WDR36: variants seen among roughly 807,000 people sequenced by gnomAD.
WDR36 encodes the protein WD repeat-containing protein 36.
In WDR36, 63 loss-of-function variants were observed where a neutral mutation model predicts 112.7. The ratio of observed to expected loss-of-function variants is 0.56; its 90% CI spans 0.46 to 0.69. WDR36 has a LOEUF of 0.69. WDR36 is among the 30% of genes least tolerant of loss of function. The pLI, the probability that WDR36 is intolerant of heterozygous loss-of-function variation, is 0.00. For synonymous variants in WDR36, 410 were observed against 362.2 expected (o/e 1.13, Z -1.50); for missense variants, 1,226 against 1,070.3 (o/e 1.15, Z -2.03).
chr5:111,127,289 A>G lies in WDR36; in HGVS notation c.*406A>G, dbSNP rs2032835. The stretch of plus-strand genomic sequence containing the variant: ...ACATTAACTTTTATATGATTTTTAA[A>G]AAATTATTACCTGCTTATATTTTTT... On this transcript the variant is annotated 3_prime_UTR_variant, in exon 23 of 23. Transcript: ENST00000513710. 0.037 allele frequency: 7,768 copies of G among 211,964 alleles called. 222 individuals are homozygous for G. The highest frequency in any genetic ancestry group is 0.1 in the South Asian group (571 of 5,466). 13.1% of individuals were successfully genotyped at this position (211,964 alleles called of 1,614,324 possible). A position where few individuals can be genotyped will look rare whatever the true frequency, so the allele number is the denominator to read the frequency against.
intron 15 of WDR36, 91 bp from the exon 16 acceptor site, chr5:111,112,983 A>C (rs1441279282): frequency 3.8e-6 from 1 of 265,398 alleles, no homozygotes; most frequent in South Asian, 1.3e-4. Flanking sequence ...TGTTAACTAT[A>C]TATACATACA....
chr5:111,092,619 G>C lies in WDR36; in HGVS notation c.162+1G>C. On this transcript the variant is annotated splice_donor_variant, in intron 1 of 22. Coordinates refer to ENST00000513710, the MANE Select transcript of WDR36 (RefSeq NM_139281.3). LOFTEE classifies it high-confidence loss of function. Reference sequence around the variant, plus strand: ...GGGCAAGAGTTTCCACACCTATGACGTGAGTGACTTCTTTTGTTAGCTTCC... The same window carrying C: ...GGGCAAGAGTTTCCACACCTATGACCTGAGTGACTTCTTTTGTTAGCTTCC... 6.2e-7 allele frequency: 1 copy of C among 1,612,378 alleles called. No individual in the cohort carries two copies. Among genetic ancestry groups the C allele is most frequent in the Non-Finnish European group, 8.5e-7 (1 of 1,179,856 alleles).
intron 12 of WDR36, among the ~76,000 whole-genome samples, chr5:111,107,931 T>A (rs1462453317): frequency 6.6e-6 from 1 of 151,266 alleles, no homozygotes; most frequent in East Asian, 1.9e-4. Context: ...CTTCTCCAGG[T>A]TTTTTGTTCT....
At chr5:111,121,633 T>G (rs568595742) in intron 19 of WDR36, among the ~76,000 whole-genome samples, 3 of 152,268 alleles carry the variant, frequency 2.0e-5, no homozygotes, top group East Asian at 3.9e-4. Context: ...TAAGTTAACA[T>G]GAGCTAGGTA....
intron 6 of WDR36, among the ~76,000 whole-genome samples, chr5:111,102,848 T>A (rs894908902): frequency 6.6e-6 from 1 of 151,726 alleles, no homozygotes; most frequent in Non-Finnish European, 1.5e-5. Flanking sequence ...CTGCTTTTTT[T>A]TAATGAATCT....
chr5:111,120,475 G>C, intron 17 of WDR36, 21 bp from the exon 18 acceptor site: 1 of 1,567,836 alleles, frequency 6.4e-7, no homozygotes, highest in Non-Finnish European at 8.8e-7. Flanking sequence ...TTAAAATATT[G>C]CTTATGTTTT....
chr5:111,112,551 C>T (rs185072652), intron 15 of WDR36, among the ~76,000 whole-genome samples: 1 of 151,960 alleles, frequency 6.6e-6, no homozygotes, highest in Non-Finnish European at 1.5e-5. Context: ...CCTCACAACC[C>T]TTAGGTACTA....
chr5:111,116,535 C>T (rs1753458902), intron 16 of WDR36, among the ~76,000 whole-genome samples: 1 of 152,098 alleles, frequency 6.6e-6, no homozygotes, highest in Non-Finnish European at 1.5e-5. Flanking sequence ...ATGCAGGGCT[C>T]TGATCTTGTA....
chr5:111,094,070 G>C (rs923832221), intron 1 of WDR36, among the ~76,000 whole-genome samples: 3 of 152,082 alleles, frequency 2.0e-5, no homozygotes, highest in Non-Finnish European at 2.9e-5. Flanking sequence ...GTCACTAATT[G>C]GGTCTACAAG....
intron 16 of WDR36, among the ~76,000 whole-genome samples, chr5:111,115,091 G>A (rs1466745000): frequency 6.6e-6 from 1 of 152,136 alleles, no homozygotes; most frequent in African/African-American, 2.4e-5. Flanking sequence ...ATTTTTAGGT[G>A]AACAGGCAAT....
rs1753737397 is a variant in WDR36 at position 111,129,252 on chromosome 5, G to A, written c.*2369G>A. The A allele has an allele frequency of 5.1e-6, 1 of 196,190 alleles. No homozygotes were observed. Among genetic ancestry groups the A allele is most frequent in the Admixed American group, 6.1e-5 (1 of 16,442 alleles). The allele number at this position is 196,190 out of a possible 1,614,324, so 12.2% of individuals were successfully genotyped here. A position where few individuals can be genotyped will look rare whatever the true frequency, so the allele number is the denominator to read the frequency against. ...TTGTACATATAAGGCTCTCTCTGTG[G>A]TATATGCTTAGGATTTGAATTTCAG... On this transcript the variant is annotated 3_prime_UTR_variant, in exon 23 of 23. Transcript: ENST00000513710.
intron 16 of WDR36, among the ~76,000 whole-genome samples, chr5:111,114,041 G>A (rs1753405476): frequency 6.6e-6 from 1 of 151,992 alleles, no homozygotes; most frequent in African/African-American, 2.4e-5. Flanking sequence ...GTGTGTCTTC[G>A]GATTTGGTTA....
intron 10 of WDR36, 132 bp downstream of exon 10, chr5:111,105,492 G>A (rs1331769151): frequency 2.4e-6 from 2 of 824,254 alleles, no homozygotes; most frequent in Non-Finnish European, 4.0e-6. Context: ...GTATGGAAGA[G>A]GTAGTAAGAT....
intron 5 of WDR36, among the ~76,000 whole-genome samples, chr5:111,101,667 G>GT (rs1032570373): frequency 7.9e-5 from 12 of 151,744 alleles, no homozygotes; most frequent in Admixed American, 3.3e-4. Context: ...CATCCAAATT[G>GT]TTTTTTTCCA....
At chr5:111,095,056 C>G in intron 2 of WDR36, 109 bp downstream of exon 2, 1 of 980,528 alleles carries the variant, frequency 1.0e-6, no homozygotes, top group Non-Finnish European at 1.5e-6. Context: ...ACATGTATGT[C>G]TTATAAACTT....
At chr5:111,094,360 A>T (rs547402244) in intron 1 of WDR36, among the ~76,000 whole-genome samples, 3 of 152,348 alleles carry the variant, frequency 2.0e-5, no homozygotes, top group East Asian at 1.9e-4. Flanking sequence ...TTCCAGGGTC[A>T]TACAGCTGGA....
chr5:111,106,000 C>A, intron 10 of WDR36, 57 bp from the exon 11 acceptor site: 1 of 1,341,544 alleles, frequency 7.5e-7, no homozygotes, highest in Non-Finnish European at 1.1e-6. Context: ...CTTTTATATA[C>A]ACTTTTTATT....
At chr5:111,115,148 G>A in intron 16 of WDR36, among the ~76,000 whole-genome samples, 1 of 152,172 alleles carries the variant, frequency 6.6e-6, no homozygotes, top group East Asian at 1.9e-4. Flanking sequence ...ACAAGAGCAA[G>A]AAGTGACCAC....
chr5:111,104,654 G>A (rs1162197197), intron 8 of WDR36, 43 bp from the exon 9 acceptor site: 6 of 1,610,290 alleles, frequency 3.7e-6, no homozygotes, highest in Non-Finnish European at 5.1e-6. Flanking sequence ...TTGCAGATCA[G>A]ATGGAACATT....
Sources: allele counts gnomAD v4.1 joint callset (sites outside exome capture counted in the v4.1 genomes callset), GRCh38; gene constraint gnomAD v4.1.1; transcripts MANE v1.5; gene names NCBI Gene and HGNC (gene_info 2026-07-23, HGNC 2026-07-21).